The following CSMD1 variants were observed in gnomAD, a reference collection of about 807,000 sequenced individuals.
CSMD1 encodes CUB and sushi domain-containing protein 1.
A neutral mutation model predicts 417.5 loss-of-function variants in CSMD1; 213 were observed. The observed-to-expected ratio is 0.51, with a 90% CI of 0.46 to 0.57. The LOEUF is 0.57. CSMD1 is among the 20% of genes least tolerant of loss of function. CSMD1 has a pLI of 0.00. For missense variants in CSMD1, 6,923 were observed against 4,529.7 expected (o/e 1.53, Z -15.17); for synonymous variants, 2,862 against 1,736.8 (o/e 1.65, Z -16.11).
intron 5 of CSMD1, among the ~76,000 whole-genome samples, chr8:3,798,083 T>C (rs957804109): frequency 5.9e-5 from 9 of 152,124 alleles, no homozygotes; most frequent in South Asian, 2.1e-4. Context: ...ATTGTGATGA[T>C]TGAAGTCTTA....
chr8:4,842,614 C>G (rs746839534), intron 1 of CSMD1, among the ~76,000 whole-genome samples: 3 of 152,172 alleles, frequency 2.0e-5, no homozygotes, highest in African/African-American at 7.2e-5. Flanking sequence ...ACCCGGGTGC[C>G]TATGTGCAAA....
intron 5 of CSMD1, among the ~76,000 whole-genome samples, chr8:3,779,647 A>G (rs1008078147): frequency 3.3e-5 from 5 of 152,200 alleles, no homozygotes; most frequent in African/African-American, 1.2e-4. Flanking sequence ...ATTTTAGGTT[A>G]CATTTATGCA....
At chr8:4,263,684 C>T (rs1563356376) in intron 3 of CSMD1, among the ~76,000 whole-genome samples, 1 of 152,154 alleles carries the variant, frequency 6.6e-6, no homozygotes, top group African/African-American at 2.4e-5. Context: ...TTATTTATAT[C>T]ACCTTAATTT....
At chr8:4,157,162 CAGA>C (rs930277563) in intron 3 of CSMD1, among the ~76,000 whole-genome samples, 4 of 152,066 alleles carry the variant, frequency 2.6e-5, no homozygotes, top group African/African-American at 9.7e-5. Flanking sequence ...GAAGAAACAT[CAGA>C]AGAAGATTTT....
intron 5 of CSMD1, among the ~76,000 whole-genome samples, chr8:3,754,557 C>T (rs935015211): frequency 3.9e-5 from 6 of 152,034 alleles, no homozygotes; most frequent in African/African-American, 1.4e-4. Context: ...TGGGTTCAAG[C>T]GATTCTCCTC....
chr8:3,271,211 G>A (rs1012916535), intron 26 of CSMD1, among the ~76,000 whole-genome samples: 6 of 151,746 alleles, frequency 4.0e-5, no homozygotes, highest in Admixed American at 1.3e-4. Context: ...AGTTTACTGA[G>A]AATGATGATT....
intron 41 of CSMD1, among the ~76,000 whole-genome samples, chr8:3,137,705 T>C (rs892320411): frequency 6.6e-6 from 1 of 152,214 alleles, no homozygotes; most frequent in Admixed American, 6.5e-5. Context: ...GTGTAAATAG[T>C]TGTTATTCTG....
chr8:3,123,542 C>T (rs894994846), intron 41 of CSMD1, among the ~76,000 whole-genome samples: 15 of 151,730 alleles, frequency 9.9e-5, no homozygotes, highest in Non-Finnish European at 1.6e-4. Context: ...TTGCTTTAAA[C>T]GTAATAAACT....
intron 10 of CSMD1, among the ~76,000 whole-genome samples, chr8:3,571,819 T>C (rs1318014171): frequency 6.6e-6 from 1 of 152,128 alleles, no homozygotes; most frequent in Non-Finnish European, 1.5e-5. Flanking sequence ...TTATCATCTT[T>C]CATCTGAAGT....
At chr8:4,793,892 T>C (rs1797833695) in intron 1 of CSMD1, among the ~76,000 whole-genome samples, 1 of 150,684 alleles carries the variant, frequency 6.6e-6, no homozygotes, top group Admixed American at 6.6e-5. Context: ...AATGATCAGG[T>C]AGCATGTCTG....
At chr8:3,784,929 T>C (rs1028174689) in intron 5 of CSMD1, among the ~76,000 whole-genome samples, 2 of 152,230 alleles carry the variant, frequency 1.3e-5, no homozygotes, top group African/African-American at 4.8e-5. Flanking sequence ...ACAAGTTTCC[T>C]GTTGAGCTAA....
chr8:3,589,300 C>T (rs1339000545), intron 8 of CSMD1, among the ~76,000 whole-genome samples: 1 of 152,014 alleles, frequency 6.6e-6, no homozygotes, highest in African/African-American at 2.4e-5. Flanking sequence ...ATAGTCACTG[C>T]AGCGTTACTC....
chr8:4,792,728 G>A (rs766783470), intron 1 of CSMD1, among the ~76,000 whole-genome samples: 3 of 152,156 alleles, frequency 2.0e-5, no homozygotes, highest in East Asian at 1.9e-4. Flanking sequence ...CCAAGAAGCT[G>A]CATTCAATTA....
Position 3,091,559 on chromosome 8 carries a change from A to C in CSMD1, c.7242T>G (p.Thr2414=), listed in dbSNP as rs539478192. 7 of 1,610,354 alleles carry C rather than the reference A, an allele frequency of 4.3e-6. No homozygotes were observed. Among genetic ancestry groups the C allele is most frequent in the Non-Finnish European group, 5.9e-6 (7 of 1,179,184 alleles). ...ATCCTTTCTTACTGGTGGCATGGTC[A>C]GTGGACCAGCGGAGATATAACTGAT... The part of the protein sequence containing the change: ...RSNQLYLRWS[T]DHATSKKGFK... The change falls in exon 48 of 70, where the codon ACT becomes ACG. Residue 2414 remains threonine, a synonymous_variant. Coordinates refer to ENST00000635120, the MANE Select transcript of CSMD1 (RefSeq NM_033225.6).
At chr8:4,021,155 G>C (rs537562010) in intron 4 of CSMD1, among the ~76,000 whole-genome samples, 10 of 152,290 alleles carry the variant, frequency 6.6e-5, no homozygotes, top group South Asian at 2.1e-4. Flanking sequence ...CAGCTCATGA[G>C]CACGTGAAAT....
chr8:4,029,340 C>T (rs936517112), intron 4 of CSMD1, among the ~76,000 whole-genome samples: 3 of 152,132 alleles, frequency 2.0e-5, no homozygotes, highest in Non-Finnish European at 4.4e-5. Flanking sequence ...GGGCAATTTA[C>T]AAAAGAGAGG....
intron 11 of CSMD1, among the ~76,000 whole-genome samples, chr8:3,481,197 C>T (rs1484505038): frequency 6.8e-6 from 1 of 147,590 alleles, no homozygotes; most frequent in Admixed American, 6.8e-5. Context: ...AGTTGGTAGA[C>T]CTGCCCTTAA....
intron 3 of CSMD1, among the ~76,000 whole-genome samples, chr8:4,335,702 G>C (rs894701505): frequency 2.6e-5 from 4 of 152,112 alleles, no homozygotes; most frequent in Non-Finnish European, 5.9e-5. Context: ...AGAATATAGT[G>C]TTTCTCAAAA....
intron 68 of CSMD1, among the ~76,000 whole-genome samples, chr8:2,947,241 G>A (rs1483001234): frequency 6.6e-6 from 1 of 152,100 alleles, no homozygotes; most frequent in Non-Finnish European, 1.5e-5. Flanking sequence ...GCAAGTTTTT[G>A]CATTAAATTT....
Sources: allele counts gnomAD v4.1 joint callset (sites outside exome capture counted in the v4.1 genomes callset), GRCh38; gene constraint gnomAD v4.1.1; transcripts MANE v1.5; gene names NCBI Gene and HGNC (gene_info 2026-07-23, HGNC 2026-07-21).